EPB41L2: variants seen among roughly 807,000 people sequenced by gnomAD.
The protein encoded by EPB41L2 is band 4.1-like protein 2.
EPB41L2 carries 43 observed loss-of-function variants against 113.0 expected under a neutral mutation model. That is an observed-to-expected ratio of 0.38 (90% confidence interval 0.30 to 0.49). EPB41L2 has a LOEUF of 0.49. Ranked by LOEUF, EPB41L2 falls within the 20% of genes least tolerant of loss-of-function variation. EPB41L2 has a pLI of 0.95. For synonymous variants in EPB41L2, 442 were observed against 436.7 expected (o/e 1.01, Z -0.15); for missense variants, 1,147 against 1,223.4 (o/e 0.94, Z 0.93).
chr6:130,856,802 A>G (rs770883804), intron 19 of EPB41L2, among the ~76,000 whole-genome samples: 10 of 152,208 alleles, frequency 6.6e-5, no homozygotes, highest in Non-Finnish European at 1.5e-4. Flanking sequence ...ATAAACATTT[A>G]CCCACTTCAT....
chr6:130,945,776 G>C lies in EPB41L2; in HGVS notation c.705+9329C>G, dbSNP rs139962482. Among the ~76,000 whole-genome samples the C allele has an allele frequency of 3.3e-3, 505 of 152,208 alleles. 1 individual carries two copies. Among genetic ancestry groups the C allele is most frequent in the African/African-American group, 0.012 (490 of 41,540 alleles). On this transcript the variant is annotated intron_variant, in intron 3 of 19. Transcript: ENST00000337057. ...AAGAGTAAAAAGAAAAGTAAACATA[G>C]ATCGCCTGACTTTATATCCATGGCT...
At chr6:130,962,334 G>A (rs1168167737) in intron 1 of EPB41L2, among the ~76,000 whole-genome samples, 2 of 152,274 alleles carry the variant, frequency 1.3e-5, no homozygotes, top group East Asian at 1.9e-4. Flanking sequence ...AATATCTGGA[G>A]AGGAAGAAGG....
At chr6:130,903,072 C>T (rs1796732624) in intron 6 of EPB41L2, among the ~76,000 whole-genome samples, 1 of 152,084 alleles carries the variant, frequency 6.6e-6, no homozygotes, top group Admixed American at 6.6e-5. Flanking sequence ...TCCCACTAGA[C>T]AGGGAGACTG....
chr6:130,934,431 A>G (rs568314033), intron 3 of EPB41L2, among the ~76,000 whole-genome samples: 1 of 152,318 alleles, frequency 6.6e-6, no homozygotes, highest in African/African-American at 2.4e-5. Context: ...ATACAAACAT[A>G]TGCATGTAGA....
At chr6:130,913,269 C>T (rs751839569) in intron 4 of EPB41L2, among the ~76,000 whole-genome samples, 1 of 152,218 alleles carries the variant, frequency 6.6e-6, no homozygotes, top group African/African-American at 2.4e-5. Flanking sequence ...CACTGCCAGA[C>T]AGATTACTGA....
At chr6:131,052,056 C>A (rs1333726171) in intron 1 of EPB41L2, among the ~76,000 whole-genome samples, 1 of 151,942 alleles carries the variant, frequency 6.6e-6, no homozygotes, top group East Asian at 1.9e-4. Flanking sequence ...CCTGCCTCAG[C>A]CTGCCAAGTA....
chr6:131,028,673 A>G (rs1791404231), intron 1 of EPB41L2, among the ~76,000 whole-genome samples: 2 of 152,186 alleles, frequency 1.3e-5, no homozygotes, highest in African/African-American at 4.8e-5. Context: ...CAAATTATCT[A>G]AATATGTATT....
chr6:130,897,392 T>C (rs1211296976), intron 8 of EPB41L2, among the ~76,000 whole-genome samples: 1 of 152,214 alleles, frequency 6.6e-6, no homozygotes, highest in East Asian at 1.9e-4. Flanking sequence ...ATAAACAGAA[T>C]GAAGGTTATC....
intron 15 of EPB41L2, 102 bp from the exon 16 acceptor site, chr6:130,867,683 C>T (rs1784232540): frequency 1.4e-6 from 2 of 1,396,544 alleles, no homozygotes; most frequent in Admixed American, 1.9e-5. Flanking sequence ...TCCAAACACA[C>T]ACTCATGCAC....
chr6:130,865,438 T>C lies in EPB41L2; in HGVS notation c.2829+98A>G, dbSNP rs7775013. 273 of 1,199,586 alleles carry C rather than the reference T, an allele frequency of 2.3e-4. 3 individuals are homozygous for C. Among genetic ancestry groups the C allele is most frequent in the South Asian group, 1.9e-3 (128 of 68,720 alleles). 74.3% of individuals were successfully genotyped at this position (1,199,586 alleles called of 1,614,324 possible). A position where few individuals can be genotyped will look rare whatever the true frequency, so the allele number is the denominator to read the frequency against. On this transcript the variant is annotated intron_variant, in intron 17 of 19. Coordinates refer to ENST00000337057, the MANE Select transcript of EPB41L2 (RefSeq NM_001431.4). ...TTTGATTCCGCTGGCACTGTCTGTA[T>C]CTTACTTGGAAGTGTGTACAGGAAG... is the stretch of plus-strand genomic sequence containing the variant.
chr6:131,051,302 C>T (rs1454617862), intron 1 of EPB41L2, among the ~76,000 whole-genome samples: 6 of 151,900 alleles, frequency 3.9e-5, no homozygotes, highest in Admixed American at 2.0e-4. Flanking sequence ...ATGTGAGTAC[C>T]GTGGCAATCT....
At chr6:130,890,602 T>A in intron 10 of EPB41L2, 136 bp from the exon 11 acceptor site, 1 of 1,046,050 alleles carries the variant, frequency 9.6e-7, no homozygotes, top group South Asian at 1.8e-5. Flanking sequence ...AAACTAAACT[T>A]TCTAAAGAAC....
At chr6:131,003,462 T>G (rs1476765656) in intron 1 of EPB41L2, among the ~76,000 whole-genome samples, 1 of 152,210 alleles carries the variant, frequency 6.6e-6, no homozygotes, top group African/African-American at 2.4e-5. Context: ...CGAAATACAC[T>G]GCCAATCAGA....
intron 1 of EPB41L2, among the ~76,000 whole-genome samples, chr6:131,029,685 A>G (rs751009079): frequency 6.6e-5 from 10 of 152,206 alleles, no homozygotes; most frequent in Non-Finnish European, 1.3e-4. Context: ...CAGATTTAAT[A>G]CATTTACTTC....
intron 1 of EPB41L2, 150 bp downstream of exon 1, chr6:131,063,005 T>G (rs1464875950): frequency 6.6e-6 from 1 of 151,544 alleles, no homozygotes; most frequent in Non-Finnish European, 1.5e-5. Context: ...CCGCCCCCCA[T>G]CCCGGTGGGA....
chr6:130,849,891 G>A (rs1778261139), intron 19 of EPB41L2, among the ~76,000 whole-genome samples: 1 of 151,896 alleles, frequency 6.6e-6, no homozygotes, highest in East Asian at 1.9e-4. Flanking sequence ...TGCTAGTGGC[G>A]GTCTATGTTT....
intron 14 of EPB41L2, among the ~76,000 whole-genome samples, chr6:130,871,891 C>T (rs1785811875): frequency 6.6e-6 from 1 of 152,110 alleles, no homozygotes; most frequent in Non-Finnish European, 1.5e-5. Context: ...TATATCTTAA[C>T]CTCAATTAGC....
intron 14 of EPB41L2, chr6:130,872,221 A>C (rs1277613570): frequency 1.8e-6 from 1 of 548,692 alleles, no homozygotes; most frequent in Non-Finnish European, 2.6e-6. Flanking sequence ...TTCATGTTCC[A>C]ATTCAGTCAT....
intron 1 of EPB41L2, among the ~76,000 whole-genome samples, chr6:130,966,522 CAT>C (rs10561559): frequency 0.81 from 122,504 of 151,686 alleles, 50,145 homozygotes; most frequent in East Asian, 1. Context: ...AATATGCACA[CAT>C]ACACACACAC....
Sources: gnomAD v4.1 joint callset for allele counts (sites outside exome capture counted in the v4.1 genomes callset) on GRCh38, gnomAD v4.1.1 for gene constraint, MANE v1.5 for transcripts, NCBI Gene and HGNC (gene_info 2026-07-23, HGNC 2026-07-21) for gene names.